Variants in CD226 observed in about 807,000 individuals in gnomAD.
CD226 encodes the protein CD226 molecule.
CD226 carries 24 observed loss-of-function variants against 34.9 expected under a neutral mutation model. The ratio of observed to expected loss-of-function variants is 0.69; its 90% CI spans 0.50 to 0.97. CD226 has a LOEUF of 0.97. Ranked by LOEUF, CD226 falls within the 50% of genes least tolerant of loss-of-function variation. The probability of loss-of-function intolerance (pLI) is 0.00; values close to 1 mark genes in which losing one functional copy is unlikely to be tolerated. For missense variants in CD226, 397 were observed against 412.7 expected (o/e 0.96, Z 0.33); for synonymous variants, 148 against 147.4 (o/e 1.00, Z -0.03).
chr18:69,894,936 A>C (rs750730324), intron 3 of CD226, among the ~76,000 whole-genome samples: 7 of 152,098 alleles, frequency 4.6e-5, no homozygotes, highest in Non-Finnish European at 1.0e-4. Flanking sequence ...GTGACAAAAA[A>C]AAGACAAATG....
intron 4 of CD226, among the ~76,000 whole-genome samples, chr18:69,870,604 G>T (rs1191564456): frequency 6.6e-6 from 1 of 152,154 alleles, no homozygotes; most frequent in East Asian, 1.9e-4. Flanking sequence ...ACTTGCCAAT[G>T]TGAGGCTGTT....
At position 69,903,731 on chromosome 18, in the gene CD226, C is replaced by T. The variant is rs1840894129; in HGVS notation, c.383-7686G>A. Among the ~76,000 whole-genome samples, 2 of 152,122 alleles carry T rather than the reference C, an allele frequency of 1.3e-5. 1 individual carries two copies. The highest frequency in any genetic ancestry group is 4.2e-4 in the South Asian group (2 of 4,804). On this transcript the variant is annotated intron_variant, in intron 2 of 5. Transcript: ENST00000582621. ...GATGCTTCCACGAGCCAAGGAAGGC[C>T]AAAGATTGCCAGAAATTGCCAGAAG...
chr18:69,954,978 T>C (rs1015628637), intron 1 of CD226, among the ~76,000 whole-genome samples: 3 of 152,172 alleles, frequency 2.0e-5, no homozygotes, highest in African/African-American at 7.2e-5. Context: ...GCTGTCTGTA[T>C]AAAAGAGCTT....
intron 3 of CD226, among the ~76,000 whole-genome samples, chr18:69,895,289 A>G (rs1047923213): frequency 3.3e-5 from 5 of 152,230 alleles, no homozygotes; most frequent in Non-Finnish European, 2.9e-5. Flanking sequence ...TGCTTCAGCC[A>G]TATCAACCTA....
chr18:69,860,561 T>C lies in CD226; in HGVS notation c.*3753A>G, dbSNP rs961835543. 9 of 152,308 alleles carry C rather than the reference T, an allele frequency of 5.9e-5. No homozygotes were observed. Among genetic ancestry groups the C allele is most frequent in the South Asian group, 2.1e-4 (1 of 4,824 alleles). The allele number at this position is 152,308 out of a possible 1,614,324, so 9.4% of individuals were successfully genotyped here. A position where few individuals can be genotyped will look rare whatever the true frequency, so the allele number is the denominator to read the frequency against. On this transcript the variant is annotated 3_prime_UTR_variant, in exon 6 of 6. Transcript: ENST00000582621. ...CATTGCAGTTAATTCTAGAAGCTAT[T>C]TTTCTACCTATTGAATCACTAGAAA...
chr18:69,885,025 T>C (rs1412766641), intron 3 of CD226, among the ~76,000 whole-genome samples: 1 of 152,218 alleles, frequency 6.6e-6, no homozygotes, highest in African/African-American at 2.4e-5. Context: ...AGATTTTGTT[T>C]CTAATTATAT....
intron 2 of CD226, among the ~76,000 whole-genome samples, chr18:69,911,488 T>C (rs2055323969): frequency 6.6e-6 from 1 of 152,138 alleles, no homozygotes; most frequent in South Asian, 2.1e-4. Flanking sequence ...ACAAACCACA[T>C]ATGAAGAGCG....
At chr18:69,948,731 T>C (rs2055821273), upstream of CD226, among the ~76,000 whole-genome samples, 1 of 152,208 alleles carries the variant, frequency 6.6e-6, no homozygotes. Flanking sequence ...GAGGCATCTG[T>C]TATCTCTGTT....
chr18:69,890,724 A>C (rs1184940662), intron 3 of CD226, among the ~76,000 whole-genome samples: 1 of 152,142 alleles, frequency 6.6e-6, no homozygotes, highest in Non-Finnish European at 1.5e-5. Context: ...GCACAAACTG[A>C]GATTCAAATC....
chr18:69,898,092 A>C lies in CD226; in HGVS notation c.383-2047T>G, dbSNP rs533864863. On this transcript the variant is annotated intron_variant, in intron 2 of 5. Transcript: ENST00000582621. Reference sequence around the variant, plus strand: ...AAAGCTTAAAAGAAACAAAAGGAAAATTAAAATAAAAATTAAAACAGGGAA... The same window carrying C: ...AAAGCTTAAAAGAAACAAAAGGAAACTTAAAATAAAAATTAAAACAGGGAA... Among the ~76,000 whole-genome samples, 5 of 152,328 alleles carry C rather than the reference A, an allele frequency of 3.3e-5. No homozygotes were observed. The South Asian group carries it at 8.3e-4, about 25-fold the overall frequency.
intron 2 of CD226, among the ~76,000 whole-genome samples, chr18:69,938,990 G>A (rs2055689525): frequency 6.6e-6 from 1 of 152,220 alleles, no homozygotes; most frequent in Non-Finnish European, 1.5e-5. Context: ...GGAGGCTGAG[G>A]CAGGAGAACC....
At chr18:69,889,508 T>G (rs1598974052) in intron 3 of CD226, among the ~76,000 whole-genome samples, 1 of 151,796 alleles carries the variant, frequency 6.6e-6, no homozygotes, top group African/African-American at 2.4e-5. Context: ...AAAAACTGTC[T>G]TGTCTACAAC....
chr18:69,921,266 G>A (rs1156846032), intron 2 of CD226, among the ~76,000 whole-genome samples: 1 of 151,870 alleles, frequency 6.6e-6, no homozygotes, highest in East Asian at 1.9e-4. Flanking sequence ...ACCACTCCAG[G>A]CCCTCATGTG....
At chr18:69,945,379 T>C (rs1293443516) in intron 2 of CD226, among the ~76,000 whole-genome samples, 1 of 152,228 alleles carries the variant, frequency 6.6e-6, no homozygotes, top group Non-Finnish European at 1.5e-5. Flanking sequence ...GTGATGACTA[T>C]AAACCCAAGT....
chr18:69,881,931 G>A (rs956252630), intron 3 of CD226, among the ~76,000 whole-genome samples: 3 of 152,294 alleles, frequency 2.0e-5, no homozygotes, highest in South Asian at 2.1e-4. Flanking sequence ...TCTTTGTCCA[G>A]ATAAATCAGT....
At chr18:69,954,163 C>T (rs2055877454) in intron 1 of CD226, among the ~76,000 whole-genome samples, 1 of 152,090 alleles carries the variant, frequency 6.6e-6, no homozygotes, top group Non-Finnish European at 1.5e-5. Context: ...TTGCTGTTGG[C>T]CACGTATTAA....
At chr18:69,876,347 A>C (rs944020348) in intron 3 of CD226, among the ~76,000 whole-genome samples, 1 of 152,230 alleles carries the variant, frequency 6.6e-6, no homozygotes, top group Non-Finnish European at 1.5e-5. Context: ...TGAATTTAAC[A>C]GTATAACCTG....
intron 3 of CD226, among the ~76,000 whole-genome samples, chr18:69,874,731 C>T (rs2083375562): frequency 6.6e-6 from 1 of 152,162 alleles, no homozygotes; most frequent in Non-Finnish European, 1.5e-5. Flanking sequence ...TATTCTTTCA[C>T]AAACTTTACT....
Position 69,864,322 on chromosome 18 carries a change from T to C in CD226, c.1003A>G (p.Arg335Gly). ...YPTFSRRPKT[R>G]V is the part of the protein sequence containing the mutation. Reference sequence around the variant, plus strand: ...TCATGTCAAGAATAAGCTTAAACTCTAGTCTTTGGTCTGCGAGAGAAGGTT... The same window carrying C: ...TCATGTCAAGAATAAGCTTAAACTCCAGTCTTTGGTCTGCGAGAGAAGGTT... The change falls in exon 6 of 6, where the codon AGA becomes GGA. Residue 335 changes from arginine to glycine, a missense_variant. Transcript: ENST00000582621. 6.2e-7 allele frequency: 1 copy of C among 1,613,816 alleles called. No homozygotes were observed. The highest frequency in any genetic ancestry group is 8.5e-7 in the Non-Finnish European group (1 of 1,179,802).
Sources: gnomAD v4.1 joint callset for allele counts (sites outside exome capture counted in the v4.1 genomes callset) on GRCh38, gnomAD v4.1.1 for gene constraint, MANE v1.5 for transcripts, NCBI Gene and HGNC (gene_info 2026-07-23, HGNC 2026-07-21) for gene names.